Variants in MXD4 observed in about 807,000 individuals in gnomAD.
The protein encoded by MXD4 is MAX dimerization protein 4, also known as Mad4 homolog.
In MXD4, 16 loss-of-function variants were observed where a neutral mutation model predicts 24.5. That is an observed-to-expected ratio of 0.65 (90% CI 0.44 to 0.99). The LOEUF is 0.99. Among genes scored for constraint, MXD4 ranks in the 50% least tolerant of loss-of-function variants. The probability of loss-of-function intolerance (pLI) is 0.00; values close to 1 mark genes in which losing one functional copy is unlikely to be tolerated. For missense variants in MXD4, 301 were observed against 301.5 expected (o/e 1.00, Z 0.01); for synonymous variants, 164 against 134.2 (o/e 1.22, Z -1.54).
rs530215547 is a variant in MXD4, at chr4:2,252,656, C to A, written c.195-134G>T. On this transcript the variant is annotated intron_variant, in intron 3 of 5. Transcript: ENST00000337190. ...GAGGGTCCCTCTCTAAGGATCCCCT[C>A]CTGGCCTGGTTGGGAACCCCCGTCC... is the stretch of plus-strand genomic sequence containing the variant. 17 of 637,368 alleles carry A rather than the reference C, an allele frequency of 2.7e-5. No homozygotes were observed. The South Asian group carries it at 2.9e-4, about 11-fold the overall frequency. 39.5% of individuals were successfully genotyped at this position (637,368 alleles called of 1,614,324 possible).
In MXD4 at chr4:2,250,360, G is replaced by A. The variant is rs568375492; in HGVS notation, c.*184C>T. 4 of 797,848 alleles carry A rather than the reference G, an allele frequency of 5.0e-6. No individual in the cohort carries two copies. Among genetic ancestry groups the A allele is most frequent in the East Asian group, 2.8e-5 (1 of 35,980 alleles). 49.4% of individuals were successfully genotyped at this position (797,848 alleles called of 1,614,324 possible). On this transcript the variant is annotated 3_prime_UTR_variant, in exon 6 of 6. Transcript: ENST00000337190. Reference sequence around the variant, plus strand: ...TGCAGGGGACTCTGCCCAGCTGGAAGGGGCAGGCAGCTCGGCAGGCCCTGA... The same window carrying A: ...TGCAGGGGACTCTGCCCAGCTGGAAAGGGCAGGCAGCTCGGCAGGCCCTGA...
chr4:2,260,287 G>A (rs1008037381), intron 2 of MXD4, among the ~76,000 whole-genome samples: 2 of 152,238 alleles, frequency 1.3e-5, no homozygotes, highest in African/African-American at 4.8e-5. Flanking sequence ...TCAGAGATGG[G>A]TGAGTGGCAG....
rs1401911917 is a variant in MXD4, at chr4:2,247,899, T to G, written c.*2645A>C. On this transcript the variant is annotated 3_prime_UTR_variant, in exon 6 of 6. Coordinates refer to ENST00000337190, the MANE Select transcript of MXD4 (RefSeq NM_006454.3). ...GATGGCGGGGGTCTGCTATGTGGTT[T>G]GCGGGGGTTATCCTGGTATGCGGGA... The G allele has an allele frequency of 2.6e-5, 4 of 152,318 alleles. No homozygotes were observed. Among genetic ancestry groups the G allele is most frequent in the African/African-American group, 4.8e-5 (2 of 41,436 alleles). The allele number at this position is 152,318 out of a possible 1,614,324, so 9.4% of individuals were successfully genotyped here.
chr4:2,257,639 A>AG (rs1308001677), intron 3 of MXD4, among the ~76,000 whole-genome samples: 3 of 152,256 alleles, frequency 2.0e-5, no homozygotes, highest in Admixed American at 2.0e-4. Flanking sequence ...CAGGATGCAC[A>AG]GGGCAGAGAG....
intron 3 of MXD4, among the ~76,000 whole-genome samples, chr4:2,256,658 C>A (rs1367435100): frequency 3.9e-5 from 6 of 152,144 alleles, no homozygotes; most frequent in Non-Finnish European, 7.4e-5. Flanking sequence ...GCCCACACAC[C>A]CCTCCTCTGT....
At chr4:2,261,503 G>A (rs896342872) in intron 2 of MXD4, among the ~76,000 whole-genome samples, 2 of 150,544 alleles carry the variant, frequency 1.3e-5, no homozygotes, top group Non-Finnish European at 3.0e-5. Flanking sequence ...TACGCGAGCG[G>A]CCCGGGAGGC....
chr4:2,256,636 G>C (rs1012043692), intron 3 of MXD4, among the ~76,000 whole-genome samples: 2 of 152,338 alleles, frequency 1.3e-5, no homozygotes, highest in Middle Eastern at 3.4e-3. Flanking sequence ...AGTCCACAGA[G>C]ACACCCTGGC....
chr4:2,255,043 T>G, intron 3 of MXD4: 2 of 352,078 alleles, frequency 5.7e-6, no homozygotes, highest in South Asian at 4.2e-5. Flanking sequence ...AGTCCCTGTG[T>G]AAACCAGAGG....
In MXD4 at chr4:2,261,777, C is replaced by A. The variant is rs748238975; in HGVS notation, c.112G>T (p.Ala38Ser). 7 of 1,431,200 alleles carry A rather than the reference C, an allele frequency of 4.9e-6. No individual in the cohort carries two copies. The South Asian group carries it at 9.3e-5, about 19-fold the overall frequency. 88.7% of individuals were successfully genotyped at this position (1,431,200 alleles called of 1,614,324 possible). Residue 38 changes from alanine (A) to serine (S), a missense_variant, in exon 2 of 6, where the codon GCC becomes TCC. Coordinates refer to ENST00000337190, the MANE Select transcript of MXD4 (RefSeq NM_006454.3). Reference sequence around the variant, plus strand: ...CCGGCCGCCTTTGTTTTCTCCCTGGCGAAGTCGCCGTCGAAGGGCAGCACC... The same window carrying A: ...CCGGCCGCCTTTGTTTTCTCCCTGGAGAAGTCGCCGTCGAAGGGCAGCACC... ...ASVLPFDGDF[A>S]REKTKAAGLV...
chr4:2,253,779 G>A (rs150816781), intron 3 of MXD4: 4 of 152,340 alleles, frequency 2.6e-5, no homozygotes, highest in Admixed American at 2.6e-4. Flanking sequence ...AGCCCCACCA[G>A]TCGGGAGGTC....
At chr4:2,251,831 G>A (rs1215881007) in intron 4 of MXD4, among the ~76,000 whole-genome samples, 1 of 152,214 alleles carries the variant, frequency 6.6e-6, no homozygotes, top group Non-Finnish European at 1.5e-5. Flanking sequence ...GGCAGAAGAG[G>A]CCCTCAGAGC....
intron 2 of MXD4, chr4:2,259,171 G>A: frequency 3.0e-6 from 1 of 335,384 alleles, no homozygotes; most frequent in Non-Finnish European, 6.0e-6. Context: ...GCTGACCACT[G>A]CCTGCTTCAG....
At chr4:2,251,849 G>A (rs1374250857) in intron 4 of MXD4, among the ~76,000 whole-genome samples, 2 of 152,210 alleles carry the variant, frequency 1.3e-5, no homozygotes, top group African/African-American at 4.8e-5. Context: ...AGCAGATAGA[G>A]ATTTGCCCTG....
chr4:2,258,563 G>A (rs1287768334), intron 2 of MXD4, among the ~76,000 whole-genome samples: 2 of 152,184 alleles, frequency 1.3e-5, no homozygotes, highest in African/African-American at 4.8e-5. Context: ...CTAGCACCCG[G>A]GACAAACAGC....
chr4:2,250,619 G>C lies in MXD4; in HGVS notation c.555C>G (p.Ser185Arg). 1 of 1,613,304 alleles carries C rather than the reference G, an allele frequency of 6.2e-7. No individual in the cohort carries two copies. Among genetic ancestry groups the C allele is most frequent in the South Asian group, 1.1e-5 (1 of 91,054 alleles). ...GSSSDADDHY[S>R]LQSGTGGDSG... ...TGTCGCCGCCGGTGCCACTCTGCAGGCTGTAGTGGTCGTCCGCGTCACTGC... is the reference window on the plus strand; with the variant it reads ...TGTCGCCGCCGGTGCCACTCTGCAGCCTGTAGTGGTCGTCCGCGTCACTGC... Residue 185 changes from serine to arginine, a missense_variant, in exon 6 of 6, where the codon AGC (serine) becomes AGG (arginine). Coordinates refer to ENST00000337190, the MANE Select transcript of MXD4 (RefSeq NM_006454.3).
chr4:2,256,970 C>A (rs1189540854), intron 3 of MXD4, among the ~76,000 whole-genome samples: 1 of 152,188 alleles, frequency 6.6e-6, no homozygotes, highest in Admixed American at 6.5e-5. Context: ...CCAGGCCTGC[C>A]TGGTTCTCTT....
intron 1 of MXD4, 41 bp from the exon 2 acceptor site, chr4:2,261,865 G>A (rs751982141): frequency 3.6e-6 from 5 of 1,380,300 alleles, no homozygotes; most frequent in African/African-American, 1.5e-5. Flanking sequence ...CGCCCGGCAC[G>A]GCCCCGCCGC....
chr4:2,254,563 G>C (rs1735388347), intron 3 of MXD4: 1 of 152,172 alleles, frequency 6.6e-6, no homozygotes, highest in East Asian at 1.9e-4. Context: ...GAAAAACACA[G>C]CTGAGAGACA....
rs372568609 is a variant in MXD4, at chr4:2,255,330, C to T, written c.194+2652G>A. On this transcript the variant is annotated intron_variant, in intron 3 of 5. Coordinates refer to ENST00000337190, the MANE Select transcript of MXD4 (RefSeq NM_006454.3). Reference sequence around the variant, plus strand: ...GTGCAGGGGAGGTCCGTGAACAGACCGCTTTAGAAATCACGGAACACCTTT... The same window carrying T: ...GTGCAGGGGAGGTCCGTGAACAGACTGCTTTAGAAATCACGGAACACCTTT... 520 of 456,238 alleles carry T rather than the reference C, an allele frequency of 1.1e-3. 7 individuals carry two copies. Among genetic ancestry groups the T allele is most frequent in the South Asian group, 7.4e-3 (479 of 64,568 alleles). The allele number at this position is 456,238 out of a possible 1,614,324, so 28.3% of individuals were successfully genotyped here.
Sources: gnomAD v4.1 joint callset for allele counts (sites outside exome capture counted in the v4.1 genomes callset) on GRCh38, gnomAD v4.1.1 for gene constraint, MANE v1.5 for transcripts, NCBI Gene and HGNC (gene_info 2026-07-23, HGNC 2026-07-21) for gene names.